The following HNRNPH3 variants were observed in gnomAD, a reference collection of about 807,000 sequenced individuals.
The protein encoded by HNRNPH3 is heterogeneous nuclear ribonucleoprotein H3, also known as heterogeneous nuclear ribonucleoprotein 2H9.
Under a neutral mutation model 47.0 loss-of-function variants are expected in HNRNPH3, and 7 were observed. The ratio of observed to expected loss-of-function variants is 0.15; its 90% confidence interval spans 0.08 to 0.28. The LOEUF (loss-of-function observed/expected upper bound fraction) is 0.28. Among genes scored for constraint, HNRNPH3 ranks in the 10% least tolerant of loss-of-function variants. The pLI is 1.00. For missense variants in HNRNPH3, 279 were observed against 449.6 expected, an observed-to-expected ratio of 0.62 and a Z score of 3.43; for synonymous variants, 120 against 143.2, an observed-to-expected ratio of 0.84 and a Z score of 1.16.
chr10:68,335,015 A>G (rs114173478), intron 1 of HNRNPH3, among the ~76,000 whole-genome samples: 2,469 of 152,244 alleles, frequency 0.016, 71 homozygotes, highest in African/African-American at 0.057. Flanking sequence ...CAGTCACCCT[A>G]TAAAATAGAT....
At chr10:68,332,773 G>C (rs1356265309) in intron 1 of HNRNPH3, 1 of 152,276 alleles carries the variant, frequency 6.6e-6, no homozygotes, top group African/African-American at 2.4e-5. Flanking sequence ...CCGCAGTCTC[G>C]GCAGGGCTAC....
chr10:68,339,619 T>G, intron 6 of HNRNPH3, 64 bp downstream of exon 6: 1 of 962,480 alleles, frequency 1.0e-6, no homozygotes, highest in Non-Finnish European at 1.6e-6. Context: ...TCTTTAAGCA[T>G]TCTTAATGTT....
chr10:68,337,536 T>C lies in HNRNPH3; in HGVS notation c.112+203T>C. On this transcript the variant is annotated intron_variant, in intron 2 of 9. Coordinates refer to ENST00000265866, the MANE Select transcript of HNRNPH3 (RefSeq NM_012207.3). This position sits in a 1 kb window ranked among gnomAD's most constrained non-coding sequence, Gnocchi z 4.5. ...TATGTAAAACCTAGTTAATGTGCAG[T>C]AACATATTTGAGAATTGTGATGAAA... 3.6e-6 allele frequency: 2 copies of C among 558,184 alleles called. No homozygotes were observed. The highest frequency in any genetic ancestry group is 6.3e-6 in the Non-Finnish European group (2 of 315,814). The allele number at this position is 558,184 out of a possible 1,614,324, so 34.6% of individuals were successfully genotyped here. A position where few individuals can be genotyped will look rare whatever the true frequency, so the allele number is the denominator to read the frequency against.
At chr10:68,340,310 G>T (rs941066303) in intron 6 of HNRNPH3, among the ~76,000 whole-genome samples, 6 of 152,330 alleles carry the variant, frequency 3.9e-5, no homozygotes, top group African/African-American at 1.4e-4. Flanking sequence ...TTACAGGCGT[G>T]AGCCACTGCG....
rs1589724016 is a variant in HNRNPH3 at position 68,341,089 on chromosome 10, T to C, written c.640-85T>C. ...GACAGGGCAGTGGAAGGGTTTGTTT[T>C]AATTGATGAGGAAAAATCAAGGTAT... is the stretch of plus-strand genomic sequence containing the variant. On this transcript the variant is annotated intron_variant, in intron 6 of 9. Coordinates refer to ENST00000265866, the MANE Select transcript of HNRNPH3 (RefSeq NM_012207.3). The C allele has an allele frequency of 3.8e-5, 37 of 969,804 alleles. No individual in the cohort carries two copies. The East Asian group carries it at 9.1e-4, about 24-fold the overall frequency. The allele number at this position is 969,804 out of a possible 1,614,324, so 60.1% of individuals were successfully genotyped here.
At chr10:68,340,804 G>C (rs1186257465) in intron 6 of HNRNPH3, among the ~76,000 whole-genome samples, 1 of 100,964 alleles carries the variant, frequency 9.9e-6, no homozygotes, top group Non-Finnish European at 1.9e-5. Flanking sequence ...CTGTGTGTTT[G>C]TGTGCTTTTT....
At position 68,342,207 on chromosome 10, in the gene HNRNPH3, G is replaced by GA; in HGVS notation, c.*157dup. On this transcript the variant is annotated 3_prime_UTR_variant, in exon 10 of 10. Transcript: ENST00000265866. Reference sequence around the variant, plus strand: ...TTGGTAAAGCAACAGATTGTGATGGGAAAATGTTTTCTGTAGGTTTATTTG... The same window carrying GA: ...TTGGTAAAGCAACAGATTGTGATGGGAAAAATGTTTTCTGTAGGTTTATTTG... The GA allele has an allele frequency of 1.8e-6, 1 of 552,594 alleles. No individual in the cohort carries two copies. The highest frequency in any genetic ancestry group is 3.1e-6 in the Non-Finnish European group (1 of 318,958). 34.2% of individuals were successfully genotyped at this position (552,594 alleles called of 1,614,324 possible).
chr10:68,331,705 C>T (rs1356441736), upstream of HNRNPH3: 1 of 152,308 alleles, frequency 6.6e-6, no homozygotes, highest in Non-Finnish European at 1.5e-5. Context: ...AGAATTTGTT[C>T]ACGGTGGGGG....
At chr10:68,339,117 G>A (rs2045687640) in intron 4 of HNRNPH3, 23 bp from the exon 5 acceptor site, 5 of 1,547,208 alleles carry the variant, frequency 3.2e-6, no homozygotes. Context: ...GTGTAGTCAT[G>A]TGTTTCTCCT....
intron 6 of HNRNPH3, 192 bp from the exon 7 acceptor site, chr10:68,340,982 A>G (rs569544042): frequency 2.1e-6 from 1 of 469,198 alleles, no homozygotes; most frequent in African/African-American, 2.1e-5. Flanking sequence ...GCTTATTTTA[A>G]AAGCAGTAAA....
In HNRNPH3 at chr10:68,337,671, CA is replaced by C. The variant is rs1299896634; in HGVS notation, c.113-181del. The C allele has an allele frequency of 1.8e-6, 1 of 553,330 alleles. No individual in the cohort carries two copies. The allele number at this position is 553,330 out of a possible 1,614,324, so 34.3% of individuals were successfully genotyped here. On this transcript the variant is annotated intron_variant, in intron 2 of 9. Transcript: ENST00000265866. The surrounding 1 kb of genome is among the most constrained non-coding windows in gnomAD (Gnocchi z 4.5). ...TTACACAGTGTTTTTACACTGGTCGCAAAAAATTTATTTAATCCAGTAATAT... is the reference window on the plus strand; with the variant it reads ...TTACACAGTGTTTTTACACTGGTCGCAAAAATTTATTTAATCCAGTAATAT...
chr10:68,337,420 A>G lies in HNRNPH3; in HGVS notation c.112+87A>G. 1.2e-6 allele frequency: 1 copy of G among 836,620 alleles called. No individual in the cohort carries two copies. The highest frequency in any genetic ancestry group is 1.9e-6 in the Non-Finnish European group (1 of 516,692). 51.8% of individuals were successfully genotyped at this position (836,620 alleles called of 1,614,324 possible). On this transcript the variant is annotated intron_variant, in intron 2 of 9. Coordinates refer to ENST00000265866, the MANE Select transcript of HNRNPH3 (RefSeq NM_012207.3). The surrounding 1 kb of genome is among the most constrained non-coding windows in gnomAD (Gnocchi z 4.5). ...GTTTTTAATTTGTAAAACCCATTTG[A>G]TTTTGGAACTTTTAAGTTTAACTAT...
In HNRNPH3 at chr10:68,342,066, C is replaced by G; in HGVS notation, c.*12C>G. 1 of 1,605,226 alleles carries G rather than the reference C, an allele frequency of 6.2e-7. No homozygotes were observed. Among genetic ancestry groups the G allele is most frequent in the Non-Finnish European group, 8.5e-7 (1 of 1,173,722 alleles). ...GTGGGATGTACTGAAAGCAAAAACA[C>G]CAACATACAAGTCTTGACAACAGCA... On this transcript the variant is annotated 3_prime_UTR_variant, in exon 10 of 10. Transcript: ENST00000265866.
intron 1 of HNRNPH3, among the ~76,000 whole-genome samples, chr10:68,335,658 C>T (rs1018735815): frequency 2.0e-5 from 3 of 152,104 alleles, no homozygotes; most frequent in Non-Finnish European, 4.4e-5. Flanking sequence ...TATGGTATAG[C>T]TCACTGGCTT....
Position 68,341,617 on chromosome 10 carries a change from A to T in HNRNPH3, c.808A>T (p.Thr270Ser). 6.2e-7 allele frequency: 1 copy of T among 1,612,598 alleles called. No homozygotes were observed. Among genetic ancestry groups the T allele is most frequent in the South Asian group, 1.1e-5 (1 of 91,000 alleles). Residue 270 changes from threonine (T) to serine (S), a missense_variant, in exon 8 of 10, where the codon ACT becomes TCT. Transcript: ENST00000265866. Reference sequence around the variant, plus strand: ...ATATATTGAACTCTTCTTGAATTCTACTCCTGGAGGCGGCTCTGGCATGGG... The same window carrying T: ...ATATATTGAACTCTTCTTGAATTCTTCTCCTGGAGGCGGCTCTGGCATGGG... ...HRYIELFLNS[T>S]PGGGSGMGGS...
chr10:68,340,379 C>G (rs912401919), intron 6 of HNRNPH3, among the ~76,000 whole-genome samples: 1 of 152,096 alleles, frequency 6.6e-6, no homozygotes, highest in African/African-American at 2.4e-5. Context: ...TTTGGTTTGG[C>G]TTTCTAGGCT....
chr10:68,338,056 A>G (rs2045627118), intron 3 of HNRNPH3, 60 bp downstream of exon 3: 4 of 1,299,430 alleles, frequency 3.1e-6, no homozygotes, highest in East Asian at 2.4e-5. Context: ...GTGGGTCACT[A>G]TTGCTTAAAT....
intron 9 of HNRNPH3, 55 bp from the exon 10 acceptor site, chr10:68,341,923 T>G: frequency 6.3e-7 from 1 of 1,598,560 alleles, no homozygotes. Flanking sequence ...GTATTACTTT[T>G]ATTATTTTAT....
chr10:68,335,966 C>T (rs1476758095), intron 1 of HNRNPH3, among the ~76,000 whole-genome samples: 3 of 152,154 alleles, frequency 2.0e-5, no homozygotes, highest in African/African-American at 4.8e-5. Context: ...AGGTGATTGA[C>T]ACTAGAGGTA....
Sources: allele counts gnomAD v4.1 joint callset (sites outside exome capture counted in the v4.1 genomes callset), GRCh38; gene constraint gnomAD v4.1.1; non-coding constraint Gnocchi (gnomAD v3.1); transcripts MANE v1.5; gene names NCBI Gene and HGNC (gene_info 2026-07-23, HGNC 2026-07-21).